GRID2: variants seen among roughly 807,000 people sequenced by gnomAD.
GRID2 encodes glutamate ionotropic receptor delta type subunit 2.
A neutral mutation model predicts 114.8 loss-of-function variants in GRID2; 33 were observed. The ratio of observed to expected loss-of-function variants is 0.29; its 90% confidence interval spans 0.22 to 0.38. The LOEUF (loss-of-function observed/expected upper bound fraction) is 0.38, where lower values mean the gene tolerates loss of function less well. Among genes scored for constraint, GRID2 ranks in the 10% least tolerant of loss-of-function variants. The pLI, the probability that GRID2 is intolerant of heterozygous loss-of-function variation, is 1.00. For missense variants in GRID2, 1,184 were observed against 1,257.7 expected (o/e 0.94, Z 0.89); for synonymous variants, 505 against 449.9 (o/e 1.12, Z -1.55).
chr4:93,142,527 A>G (rs1735869588), intron 4 of GRID2, among the ~76,000 whole-genome samples: 1 of 152,068 alleles, frequency 6.6e-6, no homozygotes, highest in African/African-American at 2.4e-5. Flanking sequence ...TGATGTAATA[A>G]CCTTCCAAAG....
chr4:93,796,403 T>C (rs1357570850), intron 1 of GRID2, among the ~76,000 whole-genome samples: 1 of 152,092 alleles, frequency 6.6e-6, no homozygotes, highest in Non-Finnish European at 1.5e-5. Context: ...GTGAAATGGT[T>C]GCAAAGGAAA....
intron 2 of GRID2, among the ~76,000 whole-genome samples, chr4:92,600,042 GTGTATATATATATATATATATATATATA>G (rs1437362128): frequency 5.7e-5 from 4 of 70,382 alleles, no homozygotes; most frequent in African/African-American, 1.8e-4. Context: ...GTGTGTGTGT[GTGTATATATATATATATATATATATATA>G]TATATATATA....
At chr4:92,781,739 A>T (rs961224636) in intron 2 of GRID2, among the ~76,000 whole-genome samples, 1 of 152,036 alleles carries the variant, frequency 6.6e-6, no homozygotes, top group Non-Finnish European at 1.5e-5. Context: ...CTATATATTG[A>T]TCATAGTGCT....
intron 2 of GRID2, among the ~76,000 whole-genome samples, chr4:92,787,345 G>T (rs1188202131): frequency 6.6e-6 from 1 of 151,878 alleles, no homozygotes; most frequent in East Asian, 1.9e-4. Context: ...GCAGGTGTAA[G>T]GAGTCCTAGG....
At chr4:93,095,690 C>A (rs1731157433) in intron 3 of GRID2, among the ~76,000 whole-genome samples, 1 of 151,876 alleles carries the variant, frequency 6.6e-6, no homozygotes, top group Admixed American at 6.6e-5. Context: ...AGAAATAAAT[C>A]TGCAAAATTT....
intron 4 of GRID2, among the ~76,000 whole-genome samples, chr4:93,126,791 G>A (rs1220507925): frequency 6.6e-6 from 1 of 151,032 alleles, no homozygotes; most frequent in Non-Finnish European, 1.5e-5. Flanking sequence ...TAGAGACGGG[G>A]TTTCACCGTG....
chr4:92,672,042 A>G (rs753621748), intron 2 of GRID2, among the ~76,000 whole-genome samples: 4 of 152,130 alleles, frequency 2.6e-5, no homozygotes, highest in Non-Finnish European at 5.9e-5. Context: ...TGAGATTTTT[A>G]TTATTTAAAC....
At position 92,859,190 on chromosome 4, in the gene GRID2, T is replaced by C. The variant is rs776219689; in HGVS notation, c.245-225805T>C. ...TTCAGCAACCAGAACTCTGATCAGT[T>C]AGCAGCCATCAACATCAAGATAAAA... On this transcript the variant is annotated intron_variant, in intron 2 of 15. Transcript: ENST00000282020. Among the ~76,000 whole-genome samples the C allele has an allele frequency of 5.3e-4, 81 of 152,176 alleles. 1 individual carries two copies. Among genetic ancestry groups the C allele is most frequent in the Non-Finnish European group, 7.4e-5 (5 of 68,022 alleles).
intron 1 of GRID2, among the ~76,000 whole-genome samples, chr4:92,536,004 A>G (rs1725604391): frequency 6.6e-6 from 1 of 152,210 alleles, no homozygotes; most frequent in East Asian, 1.9e-4. Context: ...TCATTGTTAC[A>G]GCTCATAAAG....
At chr4:93,309,899 A>G (rs1381395468) in intron 8 of GRID2, among the ~76,000 whole-genome samples, 1 of 152,166 alleles carries the variant, frequency 6.6e-6, no homozygotes, top group African/African-American at 2.4e-5. Flanking sequence ...ATTGTGGTGT[A>G]ATGATAATGA....
intron 2 of GRID2, among the ~76,000 whole-genome samples, chr4:92,706,323 G>A (rs956591468): frequency 2.0e-5 from 3 of 152,080 alleles, no homozygotes; most frequent in African/African-American, 7.2e-5. Context: ...TACTAGAAAA[G>A]CTCACCTATT....
At chr4:92,500,446 T>A (rs1723627144) in intron 1 of GRID2, among the ~76,000 whole-genome samples, 1 of 152,186 alleles carries the variant, frequency 6.6e-6, no homozygotes, top group African/African-American at 2.4e-5. Context: ...AAATATCTTC[T>A]GTTTAGGTGG....
chr4:93,270,023 G>C (rs1751264764), intron 8 of GRID2, among the ~76,000 whole-genome samples: 1 of 152,020 alleles, frequency 6.6e-6, no homozygotes, highest in South Asian at 2.1e-4. Flanking sequence ...GTTTTTTCCA[G>C]TAAGTAAAGG....
chr4:93,794,837 A>T (rs2110361548), intron 1 of GRID2, among the ~76,000 whole-genome samples: 1 of 152,116 alleles, frequency 6.6e-6, no homozygotes, highest in East Asian at 1.9e-4. Context: ...GATATTCTTC[A>T]TGAATGGAAG....
At chr4:92,421,217 G>A (rs1354694612) in intron 1 of GRID2, among the ~76,000 whole-genome samples, 2 of 151,756 alleles carry the variant, frequency 1.3e-5, no homozygotes, top group East Asian at 3.9e-4. Context: ...TGAGTGCTCT[G>A]TATGTGTTAA....
At chr4:93,312,101 G>A (rs763721855) in intron 8 of GRID2, among the ~76,000 whole-genome samples, 5 of 152,036 alleles carry the variant, frequency 3.3e-5, no homozygotes, top group Admixed American at 6.6e-5. Context: ...TTCATCCTCT[G>A]TGATTTCTTC....
chr4:92,830,096 A>G (rs535020718), intron 2 of GRID2, among the ~76,000 whole-genome samples: 1 of 151,758 alleles, frequency 6.6e-6, no homozygotes, highest in African/African-American at 2.4e-5. Context: ...TTAAAATAAA[A>G]TTGAAAAAAA....
intron 1 of GRID2, among the ~76,000 whole-genome samples, chr4:92,521,161 C>T (rs536135191): frequency 3.3e-5 from 5 of 151,680 alleles, no homozygotes; most frequent in African/African-American, 1.2e-4. Context: ...TCTCCCTAAC[C>T]AGTAGTAATC....
intron 2 of GRID2, among the ~76,000 whole-genome samples, chr4:92,915,337 G>A (rs1748697914): frequency 6.6e-6 from 1 of 152,116 alleles, no homozygotes. Flanking sequence ...TATGCTGTTA[G>A]ACATTAGAAT....
Sources: allele counts gnomAD v4.1 joint callset (sites outside exome capture counted in the v4.1 genomes callset), GRCh38; gene constraint gnomAD v4.1.1; transcripts MANE v1.5; gene names NCBI Gene and HGNC (gene_info 2026-07-23, HGNC 2026-07-21).